The following LAMB1 variants were observed in gnomAD, a reference collection of about 807,000 sequenced individuals.
The protein encoded by LAMB1 is laminin subunit beta 1, also known as laminin subunit beta-1.
Under a neutral mutation model 222.3 loss-of-function variants are expected in LAMB1, and 121 were observed. The observed-to-expected ratio is 0.54, with a 90% confidence interval of 0.47 to 0.63. The LOEUF (loss-of-function observed/expected upper bound fraction) is 0.63. Ranked by LOEUF, LAMB1 falls within the 30% of genes least tolerant of loss-of-function variation. The probability of loss-of-function intolerance (pLI) is 0.00; values close to 1 mark genes in which losing one functional copy is unlikely to be tolerated. For synonymous variants in LAMB1, 794 were observed against 807.2 expected (o/e 0.98, Z 0.28); for missense variants, 2,172 against 2,240.8 (o/e 0.97, Z 0.62).
chr7:107,988,387 A>AT (rs1458255314), intron 5 of LAMB1, among the ~76,000 whole-genome samples: 1 of 152,188 alleles, frequency 6.6e-6, no homozygotes. Context: ...TGAAACATGA[A>AT]TTTGGGAGTC....
At chr7:107,928,695 G>T (rs2032628350) in intron 31 of LAMB1, among the ~76,000 whole-genome samples, 1 of 152,170 alleles carries the variant, frequency 6.6e-6, no homozygotes. Flanking sequence ...GTTTTGCCAT[G>T]TTGGCCACGC....
In LAMB1 at chr7:107,954,723, G is replaced by T. The variant is rs570880974; in HGVS notation, c.2854+744C>A. On this transcript the variant is annotated intron_variant, in intron 21 of 33. Coordinates refer to ENST00000222399, the MANE Select transcript of LAMB1 (RefSeq NM_002291.3). ...GGAGAATGGCGTGAACCTGGGAGGCGGAGCTTGCAGTGAGCCCAGATTGTG... is the reference window on the plus strand; with the variant it reads ...GGAGAATGGCGTGAACCTGGGAGGCTGAGCTTGCAGTGAGCCCAGATTGTG... 5.9e-5 allele frequency among the ~76,000 whole-genome samples: 9 copies of T among 152,180 alleles called. No homozygotes were observed. The South Asian group carries it at 1.5e-3, about 25-fold the overall frequency.
chr7:107,959,255 C>A lies in LAMB1; in HGVS notation c.2684G>T (p.Cys895Phe). Reference protein sequence around the residue: ...NCQDYTMGHNCERCLAGYYGD... With the variant: ...NCQDYTMGHNFERCLAGYYGD... ...ACTTTCAGCATCTGCATACCTTTCA[C>A]AGTTATGACCCATGGTGTAGTCCTG... is the stretch of plus-strand genomic sequence containing the variant. The change falls in exon 20 of 34, where the codon TGT becomes TTT. Residue 895 changes from cysteine (C) to phenylalanine (F), a missense_variant. By Grantham distance (205) the Cys-to-Phe change is radical (BLOSUM62 -2). Transcript: ENST00000222399. 1 of 1,611,290 alleles carries A rather than the reference C, an allele frequency of 6.2e-7. No homozygotes were observed. Among genetic ancestry groups the A allele is most frequent in the Non-Finnish European group, 8.5e-7 (1 of 1,177,594 alleles).
At chr7:107,965,154 C>G (rs543414209) in intron 13 of LAMB1, among the ~76,000 whole-genome samples, 1 of 152,322 alleles carries the variant, frequency 6.6e-6, no homozygotes, top group Admixed American at 6.5e-5. Flanking sequence ...GCTGAGTCAA[C>G]CAAGTCAGAA....
At chr7:107,944,857 T>C (rs916789828) in intron 24 of LAMB1, among the ~76,000 whole-genome samples, 2 of 152,198 alleles carry the variant, frequency 1.3e-5, no homozygotes, top group Admixed American at 1.3e-4. Flanking sequence ...CACCAGGATC[T>C]GAAAAACTGT....
chr7:108,002,757 C>T, intron 2 of LAMB1, 92 bp downstream of exon 2: 1 of 1,558,118 alleles, frequency 6.4e-7, no homozygotes, highest in Non-Finnish European at 8.8e-7. Context: ...CCCAAGCCCC[C>T]AGGATCCCAC....
intron 21 of LAMB1, 148 bp downstream of exon 21, chr7:107,955,319 G>T: frequency 2.9e-6 from 2 of 678,404 alleles, no homozygotes; most frequent in Non-Finnish European, 4.5e-6. Flanking sequence ...GTGCCAAATA[G>T]GAAAAGAGCA....
At chr7:107,955,432 C>T (rs755498210) in intron 21 of LAMB1, 35 bp downstream of exon 21, 8 of 1,563,744 alleles carry the variant, frequency 5.1e-6, no homozygotes, top group East Asian at 2.3e-5. Context: ...ATCTTTTTCT[C>T]TCTCTTTGCC....
Position 108,003,157 on chromosome 7 carries a change from A to T in LAMB1, c.-133T>A. ...CTGCTCCGGGAGCCCCCGAGCCCAA[A>T]GAAGGGAATTAGAAAGTTTAGCCTT... On this transcript the variant is annotated 5_prime_UTR_variant, in exon 1 of 34. Coordinates refer to ENST00000222399, the MANE Select transcript of LAMB1 (RefSeq NM_002291.3). 1.8e-6 allele frequency: 1 copy of T among 569,602 alleles called. No homozygotes were observed. Among genetic ancestry groups the T allele is most frequent in the Non-Finnish European group, 2.9e-6 (1 of 341,474 alleles). 35.3% of individuals were successfully genotyped at this position (569,602 alleles called of 1,614,324 possible).
chr7:107,925,848 G>C (rs894212256), intron 32 of LAMB1, among the ~76,000 whole-genome samples: 2 of 147,210 alleles, frequency 1.4e-5, no homozygotes, highest in Non-Finnish European at 3.0e-5. Flanking sequence ...ACTGACTACC[G>C]CACAGAAATA....
At chr7:107,980,045 T>C (rs1055866870) in intron 8 of LAMB1, among the ~76,000 whole-genome samples, 1 of 152,112 alleles carries the variant, frequency 6.6e-6, no homozygotes, top group Non-Finnish European at 1.5e-5. Flanking sequence ...CCACCTCTAC[T>C]AAAAACACAA....
intron 5 of LAMB1, among the ~76,000 whole-genome samples, chr7:107,986,717 C>T (rs1026333384): frequency 3.9e-5 from 6 of 152,158 alleles, no homozygotes; most frequent in South Asian, 2.1e-4. Flanking sequence ...TTCCTTCATT[C>T]GTTCATTTAA....
At position 107,978,256 on chromosome 7, in the gene LAMB1, T is replaced by G. The variant is rs1039513400; in HGVS notation, c.880-89A>C. On this transcript the variant is annotated intron_variant, in intron 8 of 33. Coordinates refer to ENST00000222399, the MANE Select transcript of LAMB1 (RefSeq NM_002291.3). ...TAATCAATTGAAAGTTTAAAACCCT[T>G]TTTCATACTAATCTCTAGCTCACCA... is the stretch of plus-strand genomic sequence containing the variant. 1.8e-5 allele frequency: 25 copies of G among 1,404,586 alleles called. No individual in the cohort carries two copies. The East Asian group carries it at 5.7e-4, about 32-fold the overall frequency. 87.0% of individuals were successfully genotyped at this position (1,404,586 alleles called of 1,614,324 possible). A position where few individuals can be genotyped will look rare whatever the true frequency, so the allele number is the denominator to read the frequency against.
At chr7:107,986,148 G>A (rs534389658) in intron 6 of LAMB1, 27 bp downstream of exon 6, 1 of 1,611,186 alleles carries the variant, frequency 6.2e-7, no homozygotes, top group South Asian at 1.1e-5. Flanking sequence ...TTTGCAAGTA[G>A]AATGTAAAAC....
intron 20 of LAMB1, among the ~76,000 whole-genome samples, chr7:107,955,972 G>A (rs761462510): frequency 1.6e-4 from 24 of 152,246 alleles, no homozygotes; most frequent in Middle Eastern, 3.4e-3. Context: ...ATCTCAGCAC[G>A]CTGCAACCTC....
chr7:107,971,609 T>A (rs1477183176), intron 13 of LAMB1, among the ~76,000 whole-genome samples: 1 of 152,224 alleles, frequency 6.6e-6, no homozygotes, highest in East Asian at 1.9e-4. Context: ...AGATAGGGCA[T>A]CCCATCAATC....
chr7:107,978,531 A>G (rs2033913861), intron 8 of LAMB1, among the ~76,000 whole-genome samples: 1 of 152,104 alleles, frequency 6.6e-6, no homozygotes, highest in African/African-American at 2.4e-5. Flanking sequence ...CAAAAGTTAT[A>G]ATGTAGAACT....
chr7:107,962,790 T>C, intron 15 of LAMB1, 115 bp downstream of exon 15: 1 of 684,804 alleles, frequency 1.5e-6, no homozygotes, highest in Non-Finnish European at 2.3e-6. Context: ...AGGAATCTGA[T>C]CTGTTCTAAT....
Position 107,956,281 on chromosome 7 carries a change from C to T in LAMB1, c.2691-651G>A, listed in dbSNP as rs114932572. Among the ~76,000 whole-genome samples, 704 of 152,334 alleles carry T rather than the reference C, an allele frequency of 4.6e-3. 9 individuals are homozygous for T. The highest frequency in any genetic ancestry group is 0.017 in the African/African-American group (687 of 41,576). On this transcript the variant is annotated intron_variant, in intron 20 of 33. Coordinates refer to ENST00000222399, the MANE Select transcript of LAMB1 (RefSeq NM_002291.3). ...CTCCTGACCTCAGGTGATCTGCCCACCTCTCTTTATGTTTTCATGTGGAAG... is the reference window on the plus strand; with the variant it reads ...CTCCTGACCTCAGGTGATCTGCCCATCTCTCTTTATGTTTTCATGTGGAAG...
Sources: gnomAD v4.1 joint callset for allele counts (sites outside exome capture counted in the v4.1 genomes callset) on GRCh38, gnomAD v4.1.1 for gene constraint, MANE v1.5 for transcripts, NCBI Gene and HGNC (gene_info 2026-07-23, HGNC 2026-07-21) for gene names.